ARNT2: variants seen among roughly 807,000 people sequenced by gnomAD.
ARNT2 encodes the protein aryl hydrocarbon receptor nuclear translocator 2, also known as ARNT protein 2.
A neutral mutation model predicts 91.7 loss-of-function variants in ARNT2; 36 were observed. The ratio of observed to expected loss-of-function variants is 0.39; its 90% CI spans 0.30 to 0.52. The LOEUF is 0.52. ARNT2 is among the 20% of genes least tolerant of loss of function. The probability of loss-of-function intolerance (pLI) is 0.72; values close to 1 mark genes in which losing one functional copy is unlikely to be tolerated. For missense variants in ARNT2, 775 were observed against 939.3 expected, an observed-to-expected ratio of 0.83 and a Z score of 2.29; for synonymous variants, 365 against 347.1, an observed-to-expected ratio of 1.05 and a Z score of -0.57.
At position 80,593,611 on chromosome 15, in the gene ARNT2, C is replaced by T. The variant is rs1398030739; in HGVS notation, c.2067C>T (p.Pro689=). Residue 689 remains proline (P), a synonymous_variant, in exon 19 of 19, where the codon CCC becomes CCT. Transcript: ENST00000303329. ...GQTEVFQDML[P]MPGDPTQGTG... The stretch of plus-strand genomic sequence containing the variant: ...CCTCTCCTCTGCAGGACATGCTGCC[C>T]ATGCCAGGAGATCCAACCCAGGGGA... 1.3e-6 allele frequency: 2 copies of T among 1,598,996 alleles called. No individual in the cohort carries two copies. Among genetic ancestry groups the T allele is most frequent in the Admixed American group, 1.7e-5 (1 of 58,742 alleles).
At chr15:80,425,322 T>C (rs996768068) in intron 1 of ARNT2, among the ~76,000 whole-genome samples, 1 of 152,220 alleles carries the variant, frequency 6.6e-6, no homozygotes, top group African/African-American at 2.4e-5. Flanking sequence ...TGTTTTTGTT[T>C]TTGTTTTTTT....
intron 17 of ARNT2, among the ~76,000 whole-genome samples, chr15:80,585,037 C>T (rs965538670): frequency 7.2e-5 from 11 of 152,222 alleles, no homozygotes; most frequent in African/African-American, 1.2e-4. Context: ...TGAGAAAAAA[C>T]GCCCCTGCCT....
chr15:80,474,936 G>T (rs1487756773), intron 4 of ARNT2, 74 bp from the exon 5 acceptor site: 1 of 1,451,694 alleles, frequency 6.9e-7, no homozygotes, highest in African/African-American at 1.4e-5. Context: ...ATTGAAGGCT[G>T]CTTTCCCAAT....
intron 8 of ARNT2, among the ~76,000 whole-genome samples, chr15:80,529,894 A>G (rs559756558): frequency 6.6e-6 from 1 of 152,258 alleles, no homozygotes; most frequent in Admixed American, 6.5e-5. Flanking sequence ...TGACAAGTAC[A>G]CATTTCATCT....
Position 80,583,687 on chromosome 15 carries a change from C to A in ARNT2, c.1918+2283C>A, listed in dbSNP as rs1276227397. Among the ~76,000 whole-genome samples, 4 of 152,200 alleles carry A rather than the reference C, an allele frequency of 2.6e-5. No individual in the cohort carries two copies. In the East Asian group the frequency reaches 5.8e-4, roughly 22 times the overall value. ...TCTCACAGATAAGTAAACTAAGGCA[C>A]ACTGAGGTCAGATAACTTACCCAGG... On this transcript the variant is annotated intron_variant, in intron 17 of 18. Coordinates refer to ENST00000303329, the MANE Select transcript of ARNT2 (RefSeq NM_014862.4).
intron 8 of ARNT2, among the ~76,000 whole-genome samples, chr15:80,534,899 G>C (rs1566995464): frequency 6.6e-6 from 1 of 152,092 alleles, no homozygotes; most frequent in African/African-American, 2.4e-5. Context: ...CACTCCTACT[G>C]TACCTGAACC....
rs1052746999 is a variant in ARNT2, at chr15:80,469,363, A to G, written c.195-855A>G. On this transcript the variant is annotated intron_variant, in intron 3 of 18. Transcript: ENST00000303329. ...TGTACCTGTTTTGTTACTATGCTGC[A>G]GAAAATCTGTTGGGCATAGAACAAA... is the stretch of plus-strand genomic sequence containing the variant. Among the ~76,000 whole-genome samples the G allele has an allele frequency of 9.2e-5, 14 of 152,280 alleles. No homozygotes were observed. In the East Asian group the frequency reaches 2.3e-3, roughly 25 times the overall value.
intron 17 of ARNT2, among the ~76,000 whole-genome samples, chr15:80,582,426 G>A (rs147473696): frequency 5.7e-4 from 87 of 152,148 alleles, no homozygotes; most frequent in African/African-American, 1.9e-3. Flanking sequence ...ATCCCAGGAG[G>A]TTGAGGCTGC....
At chr15:80,412,465 G>T (rs141226880) in intron 1 of ARNT2, among the ~76,000 whole-genome samples, 1 of 151,358 alleles carries the variant, frequency 6.6e-6, no homozygotes, top group African/African-American at 2.4e-5. Flanking sequence ...ACATTTTTGC[G>T]TATATCCTTA....
chr15:80,591,494 C>A lies in ARNT2; in HGVS notation c.1919-74C>A. 1 of 1,584,618 alleles carries A rather than the reference C, an allele frequency of 6.3e-7. No individual in the cohort carries two copies. Among genetic ancestry groups the A allele is most frequent in the Non-Finnish European group, 8.6e-7 (1 of 1,158,516 alleles). ...TTTCAGAAGCGGGAGGCCCTCCAGCCGCAGTGGTTCTTAGGTCTCACAGAA... is the reference window on the plus strand; with the variant it reads ...TTTCAGAAGCGGGAGGCCCTCCAGCAGCAGTGGTTCTTAGGTCTCACAGAA... On this transcript the variant is annotated intron_variant, in intron 17 of 18. Transcript: ENST00000303329. This position sits in a 1 kb window ranked among gnomAD's most constrained non-coding sequence, Gnocchi z 5.1.
intron 8 of ARNT2, among the ~76,000 whole-genome samples, chr15:80,528,986 G>A (rs1218794347): frequency 6.6e-6 from 1 of 152,132 alleles, no homozygotes; most frequent in Non-Finnish European, 1.5e-5. Flanking sequence ...CACCAAGTTG[G>A]TTTCACTGGT....
At chr15:80,577,065 AG>A in intron 15 of ARNT2, 100 bp downstream of exon 15, 4 of 1,208,462 alleles carry the variant, frequency 3.3e-6, no homozygotes, top group Non-Finnish European at 4.8e-6. Context: ...AGCATGAGTT[AG>A]TGGTTACTGG....
chr15:80,482,476 A>G (rs181016811), intron 5 of ARNT2, among the ~76,000 whole-genome samples: 35 of 152,302 alleles, frequency 2.3e-4, no homozygotes, highest in African/African-American at 8.2e-4. Flanking sequence ...GCTTGAAGTT[A>G]CTGAGAAGTT....
intron 1 of ARNT2, among the ~76,000 whole-genome samples, chr15:80,424,774 C>T (rs1895909363): frequency 2.6e-5 from 2 of 76,578 alleles, no homozygotes; most frequent in African/African-American, 8.3e-5. Flanking sequence ...CCAAAACAGC[C>T]CTCAAAAAAA....
chr15:80,543,094 CAAAAAAAAAAAAAAA>C (rs368917679), intron 8 of ARNT2, among the ~76,000 whole-genome samples: 1 of 86,712 alleles, frequency 1.2e-5, no homozygotes, highest in Non-Finnish European at 2.4e-5. Context: ...CAGACCCGGT[CAAAAAAAAAAAAAAA>C]AAAAAAAAAA....
chr15:80,404,453 G>T lies in ARNT2; in HGVS notation c.-63G>T. On this transcript the variant is annotated 5_prime_UTR_variant, in exon 1 of 19. Transcript: ENST00000303329. This position sits in a 1 kb window ranked among gnomAD's most constrained non-coding sequence, Gnocchi z 5.5. ...CCTGACCGGGTCCCCGGGGCTGAGCGCCGGGCTCCGCGCCGCCCCTCCCGC... is the reference window on the plus strand; with the variant it reads ...CCTGACCGGGTCCCCGGGGCTGAGCTCCGGGCTCCGCGCCGCCCCTCCCGC... 1 of 1,130,948 alleles carries T rather than the reference G, an allele frequency of 8.8e-7. No homozygotes were observed. Among genetic ancestry groups the T allele is most frequent in the Non-Finnish European group, 1.1e-6 (1 of 899,752 alleles). The allele number at this position is 1,130,948 out of a possible 1,614,324, so 70.1% of individuals were successfully genotyped here.
chr15:80,449,397 T>C (rs557240307), intron 1 of ARNT2, among the ~76,000 whole-genome samples: 39 of 152,330 alleles, frequency 2.6e-4, no homozygotes, highest in African/African-American at 9.1e-4. Context: ...AAAATATAAA[T>C]ATTTTATCAA....
At chr15:80,444,239 G>A (rs2141580603) in intron 1 of ARNT2, 1 of 154,282 alleles carries the variant, frequency 6.5e-6, no homozygotes, top group South Asian at 2.0e-4. Context: ...TGGGGTCCCA[G>A]GGCTGTGACA....
chr15:80,498,331 C>A (rs571674344), intron 5 of ARNT2, among the ~76,000 whole-genome samples: 4 of 152,270 alleles, frequency 2.6e-5, no homozygotes, highest in Admixed American at 1.3e-4. Context: ...GGCTACGTGG[C>A]CTTAAATGTA....
Sources: gnomAD v4.1 joint callset for allele counts (sites outside exome capture counted in the v4.1 genomes callset) on GRCh38, gnomAD v4.1.1 for gene constraint, Gnocchi (gnomAD v3.1) non-coding constraint, MANE v1.5 for transcripts, NCBI Gene and HGNC (gene_info 2026-07-23, HGNC 2026-07-21) for gene names.